Variants in SEC14L1 observed in about 807,000 individuals in gnomAD.
SEC14L1 encodes SEC14-like protein 1.
SEC14L1 carries 48 observed loss-of-function variants against 85.3 expected under a neutral mutation model. That is an observed-to-expected ratio of 0.56 (90% CI 0.45 to 0.72). SEC14L1 has a LOEUF of 0.72. SEC14L1 is among the 30% of genes least tolerant of loss of function. The pLI is 0.00. For synonymous variants in SEC14L1, 391 were observed against 355.5 expected, an observed-to-expected ratio of 1.10 and a Z score of -1.12; for missense variants, 682 against 921.4, an observed-to-expected ratio of 0.74 and a Z score of 3.36.
chr17:77,109,947 C>G (rs927589868), intron 3 of SEC14L1, among the ~76,000 whole-genome samples: 1 of 152,102 alleles, frequency 6.6e-6, no homozygotes, highest in African/African-American at 2.4e-5. Flanking sequence ...TTTGTAGGCT[C>G]GCAAACATTT....
chr17:77,208,429 C>G (rs1344453423), intron 13 of SEC14L1, among the ~76,000 whole-genome samples: 2 of 152,200 alleles, frequency 1.3e-5, no homozygotes, highest in African/African-American at 4.8e-5. Context: ...GGAGACCTGC[C>G]TCACCGCGTT....
In SEC14L1 at chr17:77,161,712, CTTTTTT is replaced by C. The variant is rs763767954; in HGVS notation, c.63+18072_63+18077del. Among the ~76,000 whole-genome samples the C allele has an allele frequency of 1.3e-3, 130 of 103,062 alleles. 1 individual carries two copies. The highest frequency in any genetic ancestry group is 0.011 in the Admixed American group (98 of 9,218). 67.6% of individuals were successfully genotyped at this position (103,062 alleles called of 152,430 possible). On this transcript the variant is annotated intron_variant, in intron 3 of 16. Coordinates refer to ENST00000436233, the MANE Select transcript of SEC14L1 (RefSeq NM_001143998.2). ...AATCAGCTGGGTCCTTAAATTGGTT[CTTTTTT>C]TTTTTTTTTTTTTTTTTTAAACAAC... is the stretch of plus-strand genomic sequence containing the variant.
chr17:77,209,985 G>T, intron 14 of SEC14L1: 1 of 152,566 alleles, frequency 6.6e-6, no homozygotes, highest in Non-Finnish European at 1.5e-5. Context: ...TGGGATTACA[G>T]GCACCCGCCA....
At chr17:77,171,820 CTTTT>C (rs1257597190) in intron 3 of SEC14L1, among the ~76,000 whole-genome samples, 1 of 152,118 alleles carries the variant, frequency 6.6e-6, no homozygotes, top group Admixed American at 6.5e-5. Context: ...CCCGTTATGC[CTTTT>C]TTCTTTTATT....
In SEC14L1 at chr17:77,215,328, C is replaced by T. The variant is rs747594892; in HGVS notation, c.*1305C>T. On this transcript the variant is annotated 3_prime_UTR_variant, in exon 17 of 17. Coordinates refer to ENST00000436233, the MANE Select transcript of SEC14L1 (RefSeq NM_001143998.2). Reference sequence around the variant, plus strand: ...GTCCAGAAGTTGCATAGGGGATGGCCTCCACGATAAGGACATGCAACACGT... The same window carrying T: ...GTCCAGAAGTTGCATAGGGGATGGCTTCCACGATAAGGACATGCAACACGT... The T allele has an allele frequency of 1.8e-5, 18 of 985,260 alleles. No homozygotes were observed. The highest frequency in any genetic ancestry group is 4.8e-6 in the Non-Finnish European group (4 of 829,946). 61.0% of individuals were successfully genotyped at this position (985,260 alleles called of 1,614,324 possible).
intron 8 of SEC14L1, among the ~76,000 whole-genome samples, chr17:77,196,659 T>A (rs1036145176): frequency 6.6e-6 from 1 of 152,072 alleles, no homozygotes; most frequent in African/African-American, 2.4e-5. Context: ...GAGCTTTAAT[T>A]TTCAGGTTTT....
At chr17:77,182,020 T>C (rs1300983066) in intron 3 of SEC14L1, among the ~76,000 whole-genome samples, 3 of 152,196 alleles carry the variant, frequency 2.0e-5, no homozygotes, top group African/African-American at 7.2e-5. Flanking sequence ...GTTAGTTGTC[T>C]TACTTACTGG....
At chr17:77,090,941 T>C (rs1971499530) in intron 2 of SEC14L1, among the ~76,000 whole-genome samples, 1 of 144,106 alleles carries the variant, frequency 6.9e-6, no homozygotes, top group Admixed American at 7.3e-5. Flanking sequence ...CTGCAGTCCA[T>C]CCTGGGTGAC....
chr17:77,161,973 A>G (rs1299340866), intron 3 of SEC14L1, among the ~76,000 whole-genome samples: 2 of 139,012 alleles, frequency 1.4e-5, no homozygotes, highest in East Asian at 4.1e-4. Context: ...TTGAGGGCTG[A>G]CTTTCAATAG....
At chr17:77,199,356 C>G (rs73998664) in intron 8 of SEC14L1, 1,672 of 159,752 alleles carry the variant, frequency 0.01, 34 homozygotes, top group African/African-American at 0.038. Flanking sequence ...TCAGTGTGTC[C>G]TCACTCCAGG....
At position 77,213,900 on chromosome 17, in the gene SEC14L1, C is replaced by G; in HGVS notation, c.2043-18C>G. 1 of 1,611,754 alleles carries G rather than the reference C, an allele frequency of 6.2e-7. No individual in the cohort carries two copies. On this transcript the variant is annotated intron_variant, in intron 16 of 16. Coordinates refer to ENST00000436233, the MANE Select transcript of SEC14L1 (RefSeq NM_001143998.2). The surrounding 1 kb of genome is among the most constrained non-coding windows in gnomAD (Gnocchi z 7.1). ...GCAGGGTGGTCCTCACGCCTCGCCC[C>G]TCCCTGTGCCATTACAGAGGTTCCA...
At chr17:77,172,082 C>G (rs2143690876) in intron 3 of SEC14L1, among the ~76,000 whole-genome samples, 1 of 152,252 alleles carries the variant, frequency 6.6e-6, no homozygotes, top group East Asian at 1.9e-4. Context: ...TTAAACCCCT[C>G]TTCTTTTACT....
rs759767028 is a variant in SEC14L1, at chr17:77,194,704, C to T, written c.502C>T (p.Arg168Cys). The change falls in exon 7 of 17, where the codon CGC becomes TGC. Residue 168 changes from arginine to cysteine, a missense_variant. Physicochemically the swap from Arg to Cys is radical, Grantham distance 180 (BLOSUM62 -3). Coordinates refer to ENST00000436233, the MANE Select transcript of SEC14L1 (RefSeq NM_001143998.2). ...KGKEIIEYYL[R>C]QLEEEGITFV... ...AAAGGAAATCATCGAATACTACCTTCGCCAATTAGAAGAAGAAGGCATAAC... is the reference window on the plus strand; with the variant it reads ...AAAGGAAATCATCGAATACTACCTTTGCCAATTAGAAGAAGAAGGCATAAC... The T allele has an allele frequency of 7.4e-6, 12 of 1,614,084 alleles. No homozygotes were observed. The highest frequency in any genetic ancestry group is 4.5e-5 in the East Asian group (2 of 44,886).
intron 6 of SEC14L1, 112 bp from the exon 7 acceptor site, chr17:77,194,565 G>T: frequency 1.5e-5 from 11 of 718,122 alleles, no homozygotes; most frequent in Admixed American, 2.9e-5. Context: ...AAAAAAAAAA[G>T]ATTGTGAGGC....
At position 77,211,803 on chromosome 17, in the gene SEC14L1, G is replaced by C; in HGVS notation, c.1612-147G>C. The C allele has an allele frequency of 5.0e-6, 5 of 996,596 alleles. No individual in the cohort carries two copies. In the South Asian group the frequency reaches 7.7e-5, roughly 15 times the overall value. The allele number at this position is 996,596 out of a possible 1,614,324, so 61.7% of individuals were successfully genotyped here. On this transcript the variant is annotated intron_variant, in intron 14 of 16. Coordinates refer to ENST00000436233, the MANE Select transcript of SEC14L1 (RefSeq NM_001143998.2). Reference sequence around the variant, plus strand: ...GAATGGATGGTGGTGTGTGACTCTGGGGAAAGAGATCCGTCCATACGCATT... The same window carrying C: ...GAATGGATGGTGGTGTGTGACTCTGCGGAAAGAGATCCGTCCATACGCATT...
intron 3 of SEC14L1, among the ~76,000 whole-genome samples, chr17:77,173,162 A>C (rs959186562): frequency 8.5e-5 from 13 of 152,132 alleles, no homozygotes; most frequent in Non-Finnish European, 1.3e-4. Context: ...TGAGCTAGTT[A>C]ATGGAGCATT....
chr17:77,121,723 G>A (rs569282067), intron 3 of SEC14L1, among the ~76,000 whole-genome samples: 3 of 152,264 alleles, frequency 2.0e-5, no homozygotes, highest in South Asian at 2.1e-4. Context: ...ATGAGGAAAC[G>A]GGCTCAGAAT....
chr17:77,213,930 G>T lies in SEC14L1; in HGVS notation c.2055G>T (p.Thr685=). 6.2e-7 allele frequency: 1 copy of T among 1,613,318 alleles called. No homozygotes were observed. The highest frequency in any genetic ancestry group is 8.5e-7 in the Non-Finnish European group (1 of 1,179,768). ...TGTGCCATTACAGAGGTTCCATGAC[G>T]AGCCTGGAGTCCAGCCACAGCGGCT... ...IGSEDFRGSM[T]SLESSHSGFS... is the part of the protein sequence containing the mutation. The change falls in exon 17 of 17, where the codon ACG becomes ACT. Residue 685 remains threonine (T), a synonymous_variant. Transcript: ENST00000436233. The surrounding 1 kb of genome is among the most constrained non-coding windows in gnomAD (Gnocchi z 7.1).
chr17:77,108,820 T>C (rs1412830179), intron 3 of SEC14L1, among the ~76,000 whole-genome samples: 1 of 149,216 alleles, frequency 6.7e-6, no homozygotes, highest in Non-Finnish European at 1.5e-5. Context: ...GTATATGTCA[T>C]CTGTTTCTTT....
Sources: gnomAD v4.1 joint callset for allele counts (sites outside exome capture counted in the v4.1 genomes callset) on GRCh38, gnomAD v4.1.1 for gene constraint, Gnocchi (gnomAD v3.1) non-coding constraint, MANE v1.5 for transcripts, NCBI Gene and HGNC (gene_info 2026-07-23, HGNC 2026-07-21) for gene names.